The following RICTOR variants were observed in gnomAD, a reference collection of about 807,000 sequenced individuals.
The protein encoded by RICTOR is rapamycin-insensitive companion of mTOR.
A neutral mutation model predicts 214.9 loss-of-function variants in RICTOR; 49 were observed. That is an observed-to-expected ratio of 0.23 (90% CI 0.18 to 0.29). The LOEUF is 0.29. RICTOR is among the 10% of genes least tolerant of loss of function. The pLI is 1.00. For missense variants in RICTOR, 1,625 were observed against 2,047.0 expected (o/e 0.79, Z 3.98); for synonymous variants, 717 against 711.3 (o/e 1.01, Z -0.13).
intron 7 of RICTOR, among the ~76,000 whole-genome samples, chr5:38,982,409 TA>T (rs1386033326): frequency 6.6e-6 from 1 of 152,206 alleles, no homozygotes; most frequent in Non-Finnish European, 1.5e-5. Context: ...CATTTCTCTA[TA>T]TTTTTATTAA....
chr5:38,953,126 G>T, intron 28 of RICTOR, 35 bp from the exon 29 acceptor site: 1 of 1,370,424 alleles, frequency 7.3e-7, no homozygotes, highest in Non-Finnish European at 1.0e-6. Flanking sequence ...TCAAATATAA[G>T]AGTCACTCTT....
At position 38,958,523 on chromosome 5, in the gene RICTOR, A is replaced by C; in HGVS notation, c.2344-4T>G. ...GAATGAGAGCATGAAGATTGGCCTAAAAGAGATTATCATTATTTTTTTATA... is the reference window on the plus strand; with the variant it reads ...GAATGAGAGCATGAAGATTGGCCTACAAGAGATTATCATTATTTTTTTATA... On this transcript the variant is annotated splice_polypyrimidine_tract_variant and splice_region_variant and intron_variant, in intron 23 of 37. Transcript: ENST00000357387. The C allele has an allele frequency of 6.2e-7, 1 of 1,605,626 alleles. No homozygotes were observed. Among genetic ancestry groups the C allele is most frequent in the Non-Finnish European group, 8.5e-7 (1 of 1,174,830 alleles).
At chr5:39,073,459 C>G (rs977075179) in intron 2 of RICTOR, among the ~76,000 whole-genome samples, 11 of 152,194 alleles carry the variant, frequency 7.2e-5, no homozygotes, top group Non-Finnish European at 1.5e-5. Context: ...AACAATGAAC[C>G]TGCAGCAGGG....
rs1239991468 is a variant in RICTOR at position 38,941,063 on chromosome 5, C to T, written c.*1241G>A. On this transcript the variant is annotated 3_prime_UTR_variant, in exon 38 of 38. Transcript: ENST00000357387. ...ATGATGGCCATGCTATTTTTATATA[C>T]AAATTTGCATATATGTTTAATTCCT... 4.3e-6 allele frequency: 1 copy of T among 232,666 alleles called. No individual in the cohort carries two copies. Among genetic ancestry groups the T allele is most frequent in the African/African-American group, 2.2e-5 (1 of 45,282 alleles). The allele number at this position is 232,666 out of a possible 1,614,324, so 14.4% of individuals were successfully genotyped here.
rs779870246 is a variant in RICTOR at position 38,950,066 on chromosome 5, G to A, written c.3782C>T (p.Thr1261Ile). ...ATAGTGGCTTGTCTTAATAGTTTTA[G>A]TACTTACCACAGTACTCATGCTTCC... ...DCGSMSTVVS[T>I]KTIKTSHYLT... The change falls in exon 31 of 38, where the codon ACT (threonine) becomes ATT (isoleucine). Residue 1261 changes from threonine to isoleucine, a missense_variant. Thr to Ile is a moderately conservative substitution (Grantham distance 89). Coordinates refer to ENST00000357387, the MANE Select transcript of RICTOR (RefSeq NM_152756.5). The A allele has an allele frequency of 6.2e-7, 1 of 1,613,000 alleles. No individual in the cohort carries two copies. Among genetic ancestry groups the A allele is most frequent in the South Asian group, 1.1e-5 (1 of 91,054 alleles).
Position 39,051,466 on chromosome 5 carries a change from C to T in RICTOR, c.97+22645G>A, listed in dbSNP as rs529079172. ...AATTATGGAGCAAGAACGTGAATTT[C>T]GGCTGGGCACGGTGGCTCACGCCTA... On this transcript the variant is annotated intron_variant, in intron 2 of 37. Coordinates refer to ENST00000357387, the MANE Select transcript of RICTOR (RefSeq NM_152756.5). Among the ~76,000 whole-genome samples the T allele has an allele frequency of 2.0e-4, 30 of 152,244 alleles. 1 individual carries two copies. The South Asian group carries it at 4.1e-3, about 21-fold the overall frequency.
chr5:38,944,574 A>G lies in RICTOR; in HGVS notation c.4790-5T>C. 6.3e-7 allele frequency: 1 copy of G among 1,583,844 alleles called. No individual in the cohort carries two copies. The highest frequency in any genetic ancestry group is 8.6e-7 in the Non-Finnish European group (1 of 1,169,554). ...CATCTGGAATTGTTTTAACACCTGA[A>G]AAGATTTCAGGGAGAAGTTAAATAT... is the stretch of plus-strand genomic sequence containing the variant. On this transcript the variant is annotated splice_region_variant and splice_polypyrimidine_tract_variant and intron_variant, in intron 35 of 37. Transcript: ENST00000357387.
chr5:39,004,929 G>A (rs1234966693), intron 3 of RICTOR, among the ~76,000 whole-genome samples: 1 of 150,896 alleles, frequency 6.6e-6, no homozygotes, highest in African/African-American at 2.4e-5. Context: ...TTACAGGCAT[G>A]TGCCACCACG....
At chr5:38,968,513 G>C (rs1251631245) in intron 11 of RICTOR, among the ~76,000 whole-genome samples, 2 of 151,420 alleles carry the variant, frequency 1.3e-5, no homozygotes, top group African/African-American at 2.4e-5. Flanking sequence ...GGAAGCCAAG[G>C]TGGGAGGACT....
At chr5:39,053,367 T>C (rs1049571071) in intron 2 of RICTOR, among the ~76,000 whole-genome samples, 4 of 152,198 alleles carry the variant, frequency 2.6e-5, no homozygotes, top group Admixed American at 6.5e-5. Flanking sequence ...AATACTACTC[T>C]GAGGATTATG....
intron 2 of RICTOR, among the ~76,000 whole-genome samples, chr5:39,036,890 C>G (rs1250145333): frequency 6.6e-6 from 1 of 152,106 alleles, no homozygotes; most frequent in Non-Finnish European, 1.5e-5. Flanking sequence ...ACCCCACTGT[C>G]AACATTAGAC....
chr5:39,044,517 A>AT (rs1301179664), intron 2 of RICTOR, among the ~76,000 whole-genome samples: 2 of 152,148 alleles, frequency 1.3e-5, no homozygotes, highest in Non-Finnish European at 2.9e-5. Context: ...AAAAGAGGGA[A>AT]TAAAAAAAAA....
chr5:39,048,420 ATACT>A (rs1452422988), intron 2 of RICTOR, among the ~76,000 whole-genome samples: 1 of 152,204 alleles, frequency 6.6e-6, no homozygotes, highest in East Asian at 1.9e-4. Flanking sequence ...TTTACATGAA[ATACT>A]TGCTTTTGTT....
At chr5:38,983,773 C>G (rs1242199476) in intron 7 of RICTOR, among the ~76,000 whole-genome samples, 1 of 151,896 alleles carries the variant, frequency 6.6e-6, no homozygotes, top group Non-Finnish European at 1.5e-5. Context: ...ACATCCTGGC[C>G]AACATGGTGA....
At chr5:39,004,269 G>T (rs985028258) in intron 3 of RICTOR, among the ~76,000 whole-genome samples, 3 of 151,676 alleles carry the variant, frequency 2.0e-5, no homozygotes, top group African/African-American at 7.3e-5. Flanking sequence ...GATTTTCTTG[G>T]TTTTTATTTC....
chr5:38,965,170 TTAAACTCAATTCTTAAA>T lies in RICTOR; in HGVS notation c.1300-295_1300-279del, dbSNP rs1202646208. 5.2e-4 allele frequency among the ~76,000 whole-genome samples: 79 copies of T among 152,072 alleles called. 1 individual carries two copies. Among genetic ancestry groups the T allele is most frequent in the African/African-American group, 1.9e-3 (77 of 41,554 alleles). On this transcript the variant is annotated intron_variant, in intron 15 of 37. Transcript: ENST00000357387. ...TATTATGGTTTTAAGTGGTACCCAG[TTAAACTCAATTCTTAAA>T]TGCCAGAAGGGATTATATGTCAAAA...
chr5:39,037,865 T>G (rs1447540535), intron 2 of RICTOR, among the ~76,000 whole-genome samples: 1 of 152,166 alleles, frequency 6.6e-6, no homozygotes, highest in Admixed American at 6.5e-5. Flanking sequence ...ACCAGATGGA[T>G]TCACAGCCAA....
At chr5:39,047,536 C>G (rs186039915) in intron 2 of RICTOR, among the ~76,000 whole-genome samples, 13 of 152,210 alleles carry the variant, frequency 8.5e-5, no homozygotes, top group Non-Finnish European at 1.8e-4. Flanking sequence ...ATGTATTTTA[C>G]TAACCTCTTA....
In RICTOR at chr5:38,938,245, AAAG is replaced by A. The variant is rs1278494298; in HGVS notation, c.*4056_*4058del. On this transcript the variant is annotated 3_prime_UTR_variant, in exon 38 of 38. Coordinates refer to ENST00000357387, the MANE Select transcript of RICTOR (RefSeq NM_152756.5). ...ATGTAGCAGCGTATTACTAAATAAA[AAAG>A]AAGAAACTCATGTGGTTAGAGAGCA... The A allele has an allele frequency of 2.6e-5, 6 of 226,660 alleles. No individual in the cohort carries two copies. Among genetic ancestry groups the A allele is most frequent in the Non-Finnish European group, 4.4e-5 (5 of 113,772 alleles). 14.0% of individuals were successfully genotyped at this position (226,660 alleles called of 1,614,324 possible). A position where few individuals can be genotyped will look rare whatever the true frequency, so the allele number is the denominator to read the frequency against.
Sources: allele counts gnomAD v4.1 joint callset (sites outside exome capture counted in the v4.1 genomes callset), GRCh38; gene constraint gnomAD v4.1.1; transcripts MANE v1.5; gene names NCBI Gene and HGNC (gene_info 2026-07-23, HGNC 2026-07-21).